Variants in RXFP1 observed in about 807,000 individuals in gnomAD.
The protein encoded by RXFP1 is relaxin receptor 1.
In RXFP1, 73 loss-of-function variants were observed where a neutral mutation model predicts 89.8. The ratio of observed to expected loss-of-function variants is 0.81; its 90% confidence interval spans 0.67 to 0.99. The LOEUF (loss-of-function observed/expected upper bound fraction) is 0.99, where lower values mean the gene tolerates loss of function less well. Ranked by LOEUF, RXFP1 falls within the 50% of genes least tolerant of loss-of-function variation. The pLI is 0.00. For synonymous variants in RXFP1, 277 were observed against 305.5 expected, an observed-to-expected ratio of 0.91 and a Z score of 0.97; for missense variants, 793 against 895.5, an observed-to-expected ratio of 0.89 and a Z score of 1.46.
chr4:158,554,326 A>G (rs1190350060), intron 1 of RXFP1, among the ~76,000 whole-genome samples: 1 of 152,070 alleles, frequency 6.6e-6, no homozygotes. Flanking sequence ...AGCAAGTCAA[A>G]TTTTTCCTAA....
chr4:158,579,361 C>A (rs977118334), intron 2 of RXFP1, among the ~76,000 whole-genome samples: 1 of 152,106 alleles, frequency 6.6e-6, no homozygotes, highest in East Asian at 1.9e-4. Context: ...CTCTGCCTAC[C>A]GGGTTCAAGC....
At chr4:158,530,971 G>T (rs921188964) in intron 1 of RXFP1, among the ~76,000 whole-genome samples, 2 of 152,110 alleles carry the variant, frequency 1.3e-5, no homozygotes, top group Non-Finnish European at 1.5e-5. Flanking sequence ...AAGTTTCTAT[G>T]CTAGTAAACG....
At chr4:158,607,069 G>A (rs1214115936) in intron 5 of RXFP1, 27 of 1,535,748 alleles carry the variant, frequency 1.8e-5, no homozygotes, top group Non-Finnish European at 7.8e-6. Flanking sequence ...GAACAATGGT[G>A]ACCTGCACTC....
intron 11 of RXFP1, among the ~76,000 whole-genome samples, chr4:158,629,470 A>G (rs994137047): frequency 1.3e-5 from 2 of 152,180 alleles, no homozygotes; most frequent in South Asian, 4.1e-4. Flanking sequence ...ACATAATTCT[A>G]AAGGGCACTA....
chr4:158,604,915 T>C (rs1022955833), intron 4 of RXFP1, among the ~76,000 whole-genome samples, 153 bp from the exon 5 acceptor site: 3 of 152,180 alleles, frequency 2.0e-5, no homozygotes, highest in African/African-American at 7.2e-5. Flanking sequence ...TAGACCTAGT[T>C]CAAGTGATAT....
chr4:158,610,706 T>C, intron 6 of RXFP1: 2 of 1,289,392 alleles, frequency 1.6e-6, no homozygotes, highest in Non-Finnish European at 2.0e-6. Context: ...GGAGCAATAG[T>C]GGATCAAATG....
intron 1 of RXFP1, among the ~76,000 whole-genome samples, chr4:158,557,347 A>T (rs1397664968): frequency 6.6e-6 from 1 of 152,136 alleles, no homozygotes; most frequent in Non-Finnish European, 1.5e-5. Context: ...GTAGTTTTTC[A>T]GTTAGGAAAT....
chr4:158,576,988 C>A (rs748470662), intron 2 of RXFP1, among the ~76,000 whole-genome samples: 4 of 151,372 alleles, frequency 2.6e-5, no homozygotes, highest in Non-Finnish European at 5.9e-5. Flanking sequence ...GTATCTGGAT[C>A]ATTTATGCTC....
chr4:158,597,360 G>C (rs1248567367), intron 3 of RXFP1, among the ~76,000 whole-genome samples: 2 of 152,138 alleles, frequency 1.3e-5, no homozygotes, highest in African/African-American at 4.8e-5. Context: ...GATTTGAAAA[G>C]TACAGAGATT....
intron 1 of RXFP1, among the ~76,000 whole-genome samples, chr4:158,547,539 G>T (rs549727417): frequency 6.6e-6 from 1 of 151,886 alleles, no homozygotes; most frequent in Non-Finnish European, 1.5e-5. Flanking sequence ...TAATTGTGAC[G>T]TTAGGGTGTC....
chr4:158,593,309 C>A, intron 2 of RXFP1, 92 bp from the exon 3 acceptor site: 1 of 645,174 alleles, frequency 1.5e-6, no homozygotes. Flanking sequence ...GGAGAAACCA[C>A]TGGACTGTTT....
intron 3 of RXFP1, among the ~76,000 whole-genome samples, chr4:158,598,388 T>A (rs1050889229): frequency 6.6e-5 from 10 of 152,078 alleles, no homozygotes; most frequent in Admixed American, 2.6e-4. Context: ...CAGTCTACAG[T>A]GACATTGCCT....
rs140634797 is a variant in RXFP1, at chr4:158,585,019, T to A, written c.188-8382T>A. ...TGCAGAGTTTCTAATTCGGTGCATCTGAAGTAAGGCCCAAGAATTTGCTTT... is the reference window on the plus strand; with the variant it reads ...TGCAGAGTTTCTAATTCGGTGCATCAGAAGTAAGGCCCAAGAATTTGCTTT... On this transcript the variant is annotated intron_variant, in intron 2 of 17. Coordinates refer to ENST00000307765, the MANE Select transcript of RXFP1 (RefSeq NM_021634.4). 4.6e-5 allele frequency among the ~76,000 whole-genome samples: 7 copies of A among 152,298 alleles called. No homozygotes were observed. The South Asian group carries it at 8.3e-4, about 18-fold the overall frequency.
chr4:158,607,109 C>A (rs1278655059), intron 5 of RXFP1: 1 of 1,536,048 alleles, frequency 6.5e-7, no homozygotes, highest in Non-Finnish European at 8.7e-7. Flanking sequence ...GAAATCCTTA[C>A]TTTATCATTC....
chr4:158,597,945 C>G (rs1303005910), intron 3 of RXFP1, among the ~76,000 whole-genome samples: 1 of 152,192 alleles, frequency 6.6e-6, no homozygotes, highest in Non-Finnish European at 1.5e-5. Flanking sequence ...TTGGCAGATA[C>G]TCTGTTTATA....
At chr4:158,578,669 C>T (rs143097090) in intron 2 of RXFP1, among the ~76,000 whole-genome samples, 163 of 152,200 alleles carry the variant, frequency 1.1e-3, no homozygotes, top group Non-Finnish European at 1.9e-3. Context: ...TAAATAAGGG[C>T]TCCCCCTCAT....
intron 9 of RXFP1, among the ~76,000 whole-genome samples, chr4:158,624,828 T>A (rs1019253996): frequency 6.6e-6 from 1 of 152,118 alleles, no homozygotes. Context: ...ACCCCAAATG[T>A]TTTTATTATT....
At chr4:158,557,816 T>G (rs1344906994) in intron 1 of RXFP1, among the ~76,000 whole-genome samples, 1 of 152,224 alleles carries the variant, frequency 6.6e-6, no homozygotes. Flanking sequence ...GCCTCATCAT[T>G]GTCATGGAGT....
chr4:158,551,345 G>A (rs979912146), intron 1 of RXFP1, among the ~76,000 whole-genome samples: 5 of 152,074 alleles, frequency 3.3e-5, no homozygotes, highest in Non-Finnish European at 5.9e-5. Flanking sequence ...AAAATGTGAG[G>A]TTTCTTACAC....
Sources: allele counts gnomAD v4.1 joint callset (sites outside exome capture counted in the v4.1 genomes callset), GRCh38; gene constraint gnomAD v4.1.1; transcripts MANE v1.5; gene names NCBI Gene and HGNC (gene_info 2026-07-23, HGNC 2026-07-21).